SIM1: variants seen among roughly 807,000 people sequenced by gnomAD.
The protein encoded by SIM1 is SIM bHLH transcription factor 1.
A neutral mutation model predicts 78.2 loss-of-function variants in SIM1; 18 were observed. The ratio of observed to expected loss-of-function variants is 0.23; its 90% CI spans 0.16 to 0.34. The LOEUF (loss-of-function observed/expected upper bound fraction) is 0.34, where lower values mean the gene tolerates loss of function less well. Ranked by LOEUF, SIM1 falls within the 10% of genes least tolerant of loss-of-function variation. The pLI is 1.00. For synonymous variants in SIM1, 417 were observed against 385.2 expected (o/e 1.08, Z -0.97); for missense variants, 939 against 975.1 (o/e 0.96, Z 0.49).
At chr6:100,448,362 G>T (rs1029155312) in intron 7 of SIM1, 110 bp from the exon 8 acceptor site, 12 of 1,377,406 alleles carry the variant, frequency 8.7e-6, no homozygotes, top group Non-Finnish European at 1.1e-5. Context: ...CACTTTCCAG[G>T]GCCGATTCAG....
intron 9 of SIM1, among the ~76,000 whole-genome samples, chr6:100,423,828 T>A (rs762976007): frequency 6.6e-6 from 1 of 152,202 alleles, no homozygotes; most frequent in Non-Finnish European, 1.5e-5. Flanking sequence ...GAGCCTCCAC[T>A]CTTGGGCATT....
At chr6:100,392,348 A>T (rs944667415) in intron 11 of SIM1, among the ~76,000 whole-genome samples, 3 of 152,276 alleles carry the variant, frequency 2.0e-5, no homozygotes, top group African/African-American at 7.2e-5. Flanking sequence ...GTAGGAATAT[A>T]TGAAAGCTGT....
intron 9 of SIM1, among the ~76,000 whole-genome samples, chr6:100,434,724 C>A (rs1771999069): frequency 2.6e-5 from 4 of 152,176 alleles, no homozygotes. Flanking sequence ...TGGCAAGGGA[C>A]TTGGGTTTAA....
intron 9 of SIM1, among the ~76,000 whole-genome samples, chr6:100,429,034 G>A (rs1771819351): frequency 6.6e-6 from 1 of 152,026 alleles, no homozygotes; most frequent in Non-Finnish European, 1.5e-5. Context: ...TCCACCTCTG[G>A]GAATATATCT....
intron 9 of SIM1, among the ~76,000 whole-genome samples, chr6:100,425,230 G>A (rs1248837257): frequency 6.6e-6 from 1 of 152,158 alleles, no homozygotes; most frequent in Admixed American, 6.5e-5. Flanking sequence ...CCCCAGACAT[G>A]TGGGACTGTA....
At chr6:100,450,010 T>C (rs765238491) in intron 4 of SIM1, among the ~76,000 whole-genome samples, 3 of 152,182 alleles carry the variant, frequency 2.0e-5, no homozygotes, top group Non-Finnish European at 4.4e-5. Flanking sequence ...AATAAGTATG[T>C]AACGTCCTCT....
intron 10 of SIM1, among the ~76,000 whole-genome samples, chr6:100,414,422 C>G (rs549539133): frequency 6.6e-6 from 1 of 152,226 alleles, no homozygotes; most frequent in South Asian, 2.1e-4. Flanking sequence ...AGGCCTCACC[C>G]CACTGAGTAA....
At chr6:100,397,163 C>T (rs1313875134) in intron 10 of SIM1, among the ~76,000 whole-genome samples, 4 of 152,058 alleles carry the variant, frequency 2.6e-5, no homozygotes, top group Non-Finnish European at 4.4e-5. Flanking sequence ...CCAAGTATCC[C>T]GTTATGACAC....
chr6:100,414,283 A>C (rs1321156452), intron 10 of SIM1, among the ~76,000 whole-genome samples: 1 of 152,178 alleles, frequency 6.6e-6, no homozygotes, highest in Non-Finnish European at 1.5e-5. Context: ...GACATCTTAT[A>C]ATTCCTCTCT....
In SIM1 at chr6:100,393,519, A is replaced by C; in HGVS notation, c.1538T>G (p.Met513Arg). 1 of 1,573,702 alleles carries C rather than the reference A, an allele frequency of 6.4e-7. No homozygotes were observed. The highest frequency in any genetic ancestry group is 8.6e-7 in the Non-Finnish European group (1 of 1,156,542). ...CCTGTGGACTGAAGCGATGTGAGGC[A>C]TGCTGTTTTCATAGGCTTCTCTGCT... ...PESREAYENS[M>R]PHIASVHRIH... Residue 513 changes from methionine (M) to arginine (R), a missense_variant, in exon 11 of 12, where the codon ATG becomes AGG. Transcript: ENST00000369208.
At chr6:100,461,583 A>T (rs868133140) in intron 2 of SIM1, among the ~76,000 whole-genome samples, 1 of 152,272 alleles carries the variant, frequency 6.6e-6, no homozygotes, top group Admixed American at 6.5e-5. Context: ...AAGGGAGCCC[A>T]CTGAGACCGC....
intron 6 of SIM1, 95 bp downstream of exon 6, chr6:100,449,268 G>A: frequency 9.9e-7 from 1 of 1,010,946 alleles, no homozygotes; most frequent in South Asian, 1.4e-5. Context: ...GCCCTTGCGG[G>A]TAGTCCCAGA....
chr6:100,443,059 GC>G (rs34793156), intron 9 of SIM1, among the ~76,000 whole-genome samples: 1 of 151,804 alleles, frequency 6.6e-6, no homozygotes, highest in Non-Finnish European at 1.5e-5. Context: ...ACAATATAGA[GC>G]CCCCTTTTTT....
chr6:100,450,986 T>A (rs1049696849), intron 3 of SIM1, among the ~76,000 whole-genome samples: 1 of 152,132 alleles, frequency 6.6e-6, no homozygotes, highest in Admixed American at 6.5e-5. Flanking sequence ...TAAGTTTACA[T>A]TGATACATCA....
chr6:100,454,676 T>A (rs1772601033), intron 2 of SIM1, among the ~76,000 whole-genome samples: 1 of 152,218 alleles, frequency 6.6e-6, no homozygotes, highest in South Asian at 2.1e-4. Context: ...TCTCTTTCTC[T>A]CCTTGGTGTT....
At chr6:100,418,605 G>A in intron 10 of SIM1, among the ~76,000 whole-genome samples, 1 of 152,038 alleles carries the variant, frequency 6.6e-6, no homozygotes, top group East Asian at 1.9e-4. Context: ...AGAAAACAAA[G>A]ACTAGACAGT....
intron 9 of SIM1, chr6:100,427,084 C>T (rs999198024): frequency 1.3e-5 from 2 of 152,238 alleles, no homozygotes; most frequent in Admixed American, 6.5e-5. Context: ...GTCACTGTTA[C>T]ACGAAGTGTA....
chr6:100,402,821 C>T (rs1393455403), intron 10 of SIM1, among the ~76,000 whole-genome samples: 1 of 152,026 alleles, frequency 6.6e-6, no homozygotes, highest in Non-Finnish European at 1.5e-5. Context: ...CGTGATCCAC[C>T]CGCCTCGGCC....
At chr6:100,412,713 AAG>A (rs1459148148) in intron 10 of SIM1, among the ~76,000 whole-genome samples, 1 of 135,894 alleles carries the variant, frequency 7.4e-6, no homozygotes, top group Non-Finnish European at 1.6e-5. Context: ...GAAAGAAAGA[AAG>A]AAAGAAAGAA....
Sources: gnomAD v4.1 joint callset for allele counts (sites outside exome capture counted in the v4.1 genomes callset) on GRCh38, gnomAD v4.1.1 for gene constraint, MANE v1.5 for transcripts, NCBI Gene and HGNC (gene_info 2026-07-23, HGNC 2026-07-21) for gene names.